The following ANO10 variants were observed in gnomAD, a reference collection of about 807,000 sequenced individuals.
The protein encoded by ANO10 is anoctamin-10.
ANO10 carries 77 observed loss-of-function variants against 74.7 expected under a neutral mutation model. The observed-to-expected ratio is 1.03, with a 90% CI of 0.86 to 1.25. The LOEUF (loss-of-function observed/expected upper bound fraction) is 1.25. Among genes scored for constraint, ANO10 ranks in the 50% most tolerant of loss-of-function variants. The pLI, the probability that ANO10 is intolerant of heterozygous loss-of-function variation, is 0.00. For synonymous variants in ANO10, 279 were observed against 284.9 expected, an observed-to-expected ratio of 0.98 and a Z score of 0.21; for missense variants, 721 against 778.1, an observed-to-expected ratio of 0.93 and a Z score of 0.87.
chr3:43,664,444 G>A (rs1323130536), intron 1 of ANO10, among the ~76,000 whole-genome samples: 1 of 152,076 alleles, frequency 6.6e-6, no homozygotes, highest in Non-Finnish European at 1.5e-5. Flanking sequence ...GAAAACCTGG[G>A]CAATACCATT....
chr3:43,430,298 T>C (rs1403418003), intron 12 of ANO10, among the ~76,000 whole-genome samples: 1 of 152,036 alleles, frequency 6.6e-6, no homozygotes, highest in Non-Finnish European at 1.5e-5. Flanking sequence ...TCATTTTTCA[T>C]GTATTTTACT....
intron 9 of ANO10, among the ~76,000 whole-genome samples, chr3:43,558,266 T>C (rs1001585067): frequency 1.6e-4 from 24 of 152,306 alleles, no homozygotes; most frequent in African/African-American, 5.8e-4. Context: ...ACCTCTGTAA[T>C]GTATCATTTA....
intron 11 of ANO10, among the ~76,000 whole-genome samples, chr3:43,483,264 C>T (rs1474430881): frequency 1.3e-5 from 2 of 152,154 alleles, no homozygotes; most frequent in African/African-American, 2.4e-5. Flanking sequence ...CTGCTTCCAG[C>T]CCTTAAACCT....
intron 11 of ANO10, among the ~76,000 whole-genome samples, chr3:43,457,592 G>T (rs561432761): frequency 1.4e-4 from 21 of 152,172 alleles, no homozygotes; most frequent in Non-Finnish European, 1.9e-4. Flanking sequence ...AACATGTGGG[G>T]ATCACGGGTC....
At chr3:43,408,552 T>C (rs1484776954) in intron 12 of ANO10, among the ~76,000 whole-genome samples, 1 of 152,308 alleles carries the variant, frequency 6.6e-6, no homozygotes, top group East Asian at 1.9e-4. Context: ...TGCATAAAGA[T>C]TGTCTGATGA....
intron 1 of ANO10, among the ~76,000 whole-genome samples, chr3:43,642,437 G>A (rs2083679799): frequency 6.6e-6 from 1 of 152,118 alleles, no homozygotes; most frequent in African/African-American, 2.4e-5. Flanking sequence ...TCCATTATGA[G>A]TGTATAATTA....
intron 4 of ANO10, among the ~76,000 whole-genome samples, chr3:43,594,202 C>T (rs531981359): frequency 2.0e-5 from 3 of 152,240 alleles, no homozygotes; most frequent in South Asian, 2.1e-4. Context: ...GACAGATCCA[C>T]GAGACAGAAA....
intron 1 of ANO10, among the ~76,000 whole-genome samples, chr3:43,683,834 A>G (rs1295144891): frequency 2.0e-5 from 3 of 152,200 alleles, no homozygotes; most frequent in Admixed American, 6.5e-5. Flanking sequence ...TGGGGAAAGG[A>G]TTCCCTATTT....
chr3:43,386,367 A>G (rs2092115983), intron 12 of ANO10, among the ~76,000 whole-genome samples: 1 of 143,470 alleles, frequency 7.0e-6, no homozygotes, highest in Non-Finnish European at 1.6e-5. Context: ...GAAGGGAAAT[A>G]AAGAGGAAGA....
chr3:43,658,312 T>C (rs1354297037), intron 1 of ANO10, among the ~76,000 whole-genome samples: 3 of 152,140 alleles, frequency 2.0e-5, no homozygotes, highest in African/African-American at 7.2e-5. Flanking sequence ...GAGCAAATCA[T>C]CGAAGAATAA....
chr3:43,505,782 A>G (rs762328467), intron 11 of ANO10, among the ~76,000 whole-genome samples: 1 of 152,232 alleles, frequency 6.6e-6, no homozygotes, highest in Non-Finnish European at 1.5e-5. Context: ...TCAACTAAAT[A>G]ATATGGTCCC....
chr3:43,588,496 A>G (rs549502033), intron 4 of ANO10, among the ~76,000 whole-genome samples: 2 of 152,200 alleles, frequency 1.3e-5, no homozygotes, highest in African/African-American at 4.8e-5. Flanking sequence ...CTATGATAAC[A>G]TAGCACAAAA....
At chr3:43,531,997 C>G (rs1354112416) in intron 11 of ANO10, among the ~76,000 whole-genome samples, 1 of 152,132 alleles carries the variant, frequency 6.6e-6, no homozygotes, top group Non-Finnish European at 1.5e-5. Flanking sequence ...CCTCTTCACT[C>G]AGTCACCCCG....
At chr3:43,429,535 A>C (rs2092949910) in intron 12 of ANO10, among the ~76,000 whole-genome samples, 1 of 152,138 alleles carries the variant, frequency 6.6e-6, no homozygotes. Flanking sequence ...CCAGAAATGC[A>C]ATCAATGGAG....
At chr3:43,598,770 AT>A in intron 3 of ANO10, 104 bp from the exon 4 acceptor site, 1 of 883,902 alleles carries the variant, frequency 1.1e-6, no homozygotes, top group Non-Finnish European at 1.7e-6. Context: ...AGCAATTAAC[AT>A]AAGAAGTAAT....
chr3:43,691,067 G>A (rs1253865131), intron 1 of ANO10: 6 of 1,529,596 alleles, frequency 3.9e-6, no homozygotes, highest in African/African-American at 1.4e-5. Flanking sequence ...GGGGCTTCGT[G>A]TGTCTCCGGC....
At chr3:43,649,533 A>G (rs1367820307) in intron 1 of ANO10, among the ~76,000 whole-genome samples, 1 of 152,174 alleles carries the variant, frequency 6.6e-6, no homozygotes, top group Non-Finnish European at 1.5e-5. Flanking sequence ...ATGGGGGAGA[A>G]TTATCTAACC....
At chr3:43,542,595 C>G (rs2149282923) in intron 11 of ANO10, among the ~76,000 whole-genome samples, 1 of 152,264 alleles carries the variant, frequency 6.6e-6, no homozygotes, top group South Asian at 2.1e-4. Flanking sequence ...CCTGACACTT[C>G]TTGTGTACAC....
intron 12 of ANO10, among the ~76,000 whole-genome samples, chr3:43,393,185 A>G (rs2092311719): frequency 6.6e-6 from 1 of 152,104 alleles, no homozygotes; most frequent in African/African-American, 2.4e-5. Context: ...CCTACCTCAT[A>G]TTTCCCTTGG....
Sources: allele counts gnomAD v4.1 joint callset (sites outside exome capture counted in the v4.1 genomes callset), GRCh38; gene constraint gnomAD v4.1.1; transcripts MANE v1.5; gene names NCBI Gene and HGNC (gene_info 2026-07-23, HGNC 2026-07-21).